Variants in CTNNA2 observed in about 807,000 individuals in gnomAD.
The protein encoded by CTNNA2 is catenin alpha 2, also known as catenin alpha-2.
Under a neutral mutation model 101.0 loss-of-function variants are expected in CTNNA2, and 42 were observed. The observed-to-expected ratio is 0.42, with a 90% CI of 0.32 to 0.54. The LOEUF (loss-of-function observed/expected upper bound fraction) is 0.54. Among genes scored for constraint, CTNNA2 ranks in the 20% least tolerant of loss-of-function variants. CTNNA2 has a pLI of 0.14. For missense variants in CTNNA2, 871 were observed against 1,223.1 expected (o/e 0.71, Z 4.29); for synonymous variants, 450 against 456.4 (o/e 0.99, Z 0.18).
At chr2:80,005,821 A>G (rs1318867209) in intron 7 of CTNNA2, among the ~76,000 whole-genome samples, 1 of 151,528 alleles carries the variant, frequency 6.6e-6, no homozygotes, top group African/African-American at 2.4e-5. Context: ...ACATTTTCAT[A>G]TCAGTGGTTT....
chr2:80,627,588 T>G (rs546668424), intron 18 of CTNNA2, among the ~76,000 whole-genome samples: 3 of 152,286 alleles, frequency 2.0e-5, no homozygotes, highest in East Asian at 3.9e-4. Flanking sequence ...TTTAAGTTCT[T>G]TGTAGGTTCT....
intron 6 of CTNNA2, among the ~76,000 whole-genome samples, chr2:79,906,884 C>CT (rs1460104594): frequency 1.3e-5 from 2 of 152,178 alleles, no homozygotes; most frequent in Admixed American, 6.5e-5. Flanking sequence ...GCGGTATTTC[C>CT]AAAACATATT....
At chr2:80,016,239 A>G (rs1403187590) in intron 7 of CTNNA2, among the ~76,000 whole-genome samples, 1 of 152,248 alleles carries the variant, frequency 6.6e-6, no homozygotes, top group Non-Finnish European at 1.5e-5. Context: ...TAAGTGCTAC[A>G]CGCTGGGCTT....
At chr2:80,029,213 GA>G (rs1443920254) in intron 7 of CTNNA2, among the ~76,000 whole-genome samples, 1 of 152,184 alleles carries the variant, frequency 6.6e-6, no homozygotes, top group Non-Finnish European at 1.5e-5. Context: ...CACTGTTTTA[GA>G]CACTTAACTG....
At chr2:80,505,211 T>C (rs920638087) in intron 9 of CTNNA2, among the ~76,000 whole-genome samples, 2 of 152,204 alleles carry the variant, frequency 1.3e-5, no homozygotes, top group Admixed American at 1.3e-4. Flanking sequence ...GAAGTTTGAA[T>C]TGGCATCTGA....
intron 7 of CTNNA2, among the ~76,000 whole-genome samples, chr2:79,990,175 C>G (rs1289689244): frequency 6.6e-6 from 1 of 152,100 alleles, no homozygotes; most frequent in East Asian, 1.9e-4. Flanking sequence ...AGATGTGTGC[C>G]TCGCTCTAGG....
intron 2 of CTNNA2, among the ~76,000 whole-genome samples, chr2:79,658,230 T>C (rs1573594172): frequency 6.6e-6 from 1 of 152,028 alleles, no homozygotes; most frequent in Non-Finnish European, 1.5e-5. Context: ...AGAGGCTCAA[T>C]TGTAAATCCT....
intron 7 of CTNNA2, among the ~76,000 whole-genome samples, chr2:80,200,564 C>G (rs536368404): frequency 6.6e-6 from 1 of 152,190 alleles, no homozygotes; most frequent in East Asian, 1.9e-4. Context: ...GAGATGGAGT[C>G]TCACTGTATC....
chr2:80,319,910 G>T (rs895888289), intron 7 of CTNNA2, among the ~76,000 whole-genome samples: 1 of 152,184 alleles, frequency 6.6e-6, no homozygotes, highest in Non-Finnish European at 1.5e-5. Flanking sequence ...CCTGCAGCCT[G>T]CTGGTAGGAA....
intron 7 of CTNNA2, among the ~76,000 whole-genome samples, chr2:80,079,828 T>TAAATA (rs61063068): frequency 0.03 from 3,550 of 120,022 alleles, 103 homozygotes; most frequent in South Asian, 0.06. Flanking sequence ...TAAAATAAAA[T>TAAATA]AAATAAAATA....
chr2:79,810,684 C>A (rs942093964), intron 3 of CTNNA2, among the ~76,000 whole-genome samples: 8 of 151,646 alleles, frequency 5.3e-5, no homozygotes, highest in African/African-American at 1.7e-4. Context: ...CCCCTCCCCC[C>A]ACTCCACAAC....
chr2:79,230,118 C>T (rs551348028), intron 2 of CTNNA2, among the ~76,000 whole-genome samples: 12 of 152,278 alleles, frequency 7.9e-5, no homozygotes, highest in South Asian at 4.1e-4. Flanking sequence ...AAATTTAAGA[C>T]GGCTGCAGAA....
chr2:79,423,382 A>T (rs1195535268), intron 4 of CTNNA2, among the ~76,000 whole-genome samples: 2 of 152,112 alleles, frequency 1.3e-5, no homozygotes, highest in Non-Finnish European at 2.9e-5. Flanking sequence ...CATCAAAACA[A>T]ATGGCCAGCT....
intron 7 of CTNNA2, among the ~76,000 whole-genome samples, chr2:80,134,938 T>C (rs995018359): frequency 6.6e-6 from 1 of 152,232 alleles, no homozygotes; most frequent in African/African-American, 2.4e-5. Flanking sequence ...GTTATTGTTA[T>C]GGTGGTGTTA....
chr2:79,449,408 C>T (rs1209456961), intron 4 of CTNNA2, among the ~76,000 whole-genome samples: 1 of 151,884 alleles, frequency 6.6e-6, no homozygotes, highest in Non-Finnish European at 1.5e-5. Flanking sequence ...AGCAACACCA[C>T]CAAGTAGGCT....
intron 2 of CTNNA2, among the ~76,000 whole-genome samples, chr2:79,663,447 C>G (rs1682180764): frequency 6.6e-6 from 1 of 152,168 alleles, no homozygotes; most frequent in Admixed American, 6.5e-5. Flanking sequence ...AATCACAATG[C>G]TCAAGGCTCA....
intron 3 of CTNNA2, among the ~76,000 whole-genome samples, chr2:79,754,601 G>C (rs998049221): frequency 6.6e-6 from 1 of 152,102 alleles, no homozygotes; most frequent in African/African-American, 2.4e-5. Context: ...AACAAGAGTT[G>C]CGGGAGGTGG....
chr2:79,724,640 C>G (rs1253738915), intron 2 of CTNNA2, among the ~76,000 whole-genome samples: 2 of 151,706 alleles, frequency 1.3e-5, no homozygotes, highest in African/African-American at 2.4e-5. Flanking sequence ...ACGGTGAAAC[C>G]CTGTCTCTAC....
chr2:79,300,465 C>A (rs925112779), intron 2 of CTNNA2, among the ~76,000 whole-genome samples: 2 of 152,144 alleles, frequency 1.3e-5, no homozygotes, highest in Admixed American at 1.3e-4. Context: ...ACACCACTTT[C>A]TTCTCTCTCC....
Sources: allele counts gnomAD v4.1 joint callset (sites outside exome capture counted in the v4.1 genomes callset), GRCh38; gene constraint gnomAD v4.1.1; transcripts MANE v1.5; gene names NCBI Gene and HGNC (gene_info 2026-07-23, HGNC 2026-07-21).